HDAC5: variants seen among roughly 807,000 people sequenced by gnomAD.
HDAC5 encodes the protein histone deacetylase 5.
In HDAC5, 25 loss-of-function variants were observed where a neutral mutation model predicts 133.3. That is an observed-to-expected ratio of 0.19 (90% CI 0.14 to 0.26). The LOEUF (loss-of-function observed/expected upper bound fraction) is 0.26, where lower values mean the gene tolerates loss of function less well. Ranked by LOEUF, HDAC5 falls within the 10% of genes least tolerant of loss-of-function variation. The pLI is 1.00. For synonymous variants in HDAC5, 589 were observed against 610.8 expected (o/e 0.96, Z 0.53); for missense variants, 1,041 against 1,460.5 (o/e 0.71, Z 4.68).
Position 44,092,802 on chromosome 17 carries a change from C to T in HDAC5, c.646G>A (p.Ala216Thr). Reference protein sequence around the residue: ...SLPQHPKCWGAHHASLDQSSP... With the variant: ...SLPQHPKCWGTHHASLDQSSP... ...CTCTGGTCCAAAGAAGCATGGTGGGCTCCCCTGGGGTGGGGGGGGGGTGGG... is the reference window on the plus strand; with the variant it reads ...CTCTGGTCCAAAGAAGCATGGTGGGTTCCCCTGGGGTGGGGGGGGGGTGGG... The change falls in exon 7 of 27, where the codon GCC (alanine) becomes ACC (threonine). Residue 216 changes from alanine (A) to threonine (T), a missense_variant. Physicochemically the swap from Ala to Thr is moderately conservative, Grantham distance 58. Transcript: ENST00000682912. 2.0e-6 allele frequency: 1 copy of T among 496,752 alleles called. No individual in the cohort carries two copies. The highest frequency in any genetic ancestry group is 2.9e-6 in the Non-Finnish European group (1 of 345,256). The allele number at this position is 496,752 out of a possible 1,614,324, so 30.8% of individuals were successfully genotyped here. A position where few individuals can be genotyped will look rare whatever the true frequency, so the allele number is the denominator to read the frequency against.
intron 13 of HDAC5, 48 bp downstream of exon 13, chr17:44,087,364 A>T (rs1318426747): frequency 1.4e-6 from 1 of 724,468 alleles, no homozygotes; most frequent in Admixed American, 1.9e-5. Flanking sequence ...GGGGTGGAGA[A>T]GGACAGAGGG....
At chr17:44,095,213 A>C (rs1567667778) in intron 3 of HDAC5, among the ~76,000 whole-genome samples, 1 of 152,208 alleles carries the variant, frequency 6.6e-6, no homozygotes, top group Non-Finnish European at 1.5e-5. Context: ...CTGATGAGGA[A>C]ACTGAGGTTT....
intron 5 of HDAC5, 32 bp downstream of exon 5, chr17:44,093,282 G>T: frequency 6.3e-7 from 1 of 1,581,032 alleles, no homozygotes; most frequent in South Asian, 1.1e-5. Context: ...CACGGGCGGG[G>T]CCCTACGAGG....
chr17:44,086,056 G>A (rs147698887), intron 14 of HDAC5, among the ~76,000 whole-genome samples: 3 of 152,198 alleles, frequency 2.0e-5, no homozygotes, highest in Non-Finnish European at 2.9e-5. Flanking sequence ...CTGGACACTC[G>A]CATGAGTCTC....
chr17:44,079,639 C>CAAAAAAAAAAAA (rs773678478), intron 23 of HDAC5, among the ~76,000 whole-genome samples: 2 of 66,012 alleles, frequency 3.0e-5, no homozygotes, highest in East Asian at 3.8e-4. Context: ...GACTCCACCT[C>CAAAAAAAAAAAA]AAAAAAAAAA....
chr17:44,095,942 A>G (rs1365377918), intron 3 of HDAC5, among the ~76,000 whole-genome samples: 1 of 152,116 alleles, frequency 6.6e-6, no homozygotes, highest in Admixed American at 6.5e-5. Context: ...CAGTCCCCAC[A>G]TGGACAATGG....
intron 13 of HDAC5, among the ~76,000 whole-genome samples, 175 bp downstream of exon 13, chr17:44,087,237 G>A (rs938488112): frequency 1.3e-4 from 20 of 151,900 alleles, no homozygotes; most frequent in African/African-American, 4.6e-4. Flanking sequence ...AACACAAACA[G>A]CTCCCCCTTC....
Position 44,080,537 on chromosome 17 carries a change from TG to T in HDAC5, c.2728-40del, listed in dbSNP as rs147108156. The T allele has an allele frequency of 4.9e-3, 7,903 of 1,598,190 alleles. 364 individuals are homozygous for T. The African/African-American group carries it at 0.091, about 18-fold the overall frequency. Reference sequence around the variant, plus strand: ...TGGGGAGAGGGCTATTCTCACCACCTGGGAGTCCCAAACATTGCCCCTGCCC... The same window carrying T: ...TGGGGAGAGGGCTATTCTCACCACCTGGAGTCCCAAACATTGCCCCTGCCC... On this transcript the variant is annotated intron_variant, in intron 21 of 26. Transcript: ENST00000682912.
intron 2 of HDAC5, among the ~76,000 whole-genome samples, chr17:44,116,875 A>G (rs1422950751): frequency 6.6e-6 from 1 of 152,140 alleles, no homozygotes; most frequent in East Asian, 1.9e-4. Flanking sequence ...TCTCAGAGTA[A>G]AAGACCCCAG....
In HDAC5 at chr17:44,117,908, T is replaced by C. The variant is rs2052746646; in HGVS notation, c.-189-204A>G. On this transcript the variant is annotated intron_variant, in intron 1 of 26. Transcript: ENST00000682912. The surrounding 1 kb of genome is among the most constrained non-coding windows in gnomAD (Gnocchi z 4.2). ...GATGAGGCTCCCAGAGCCCAAGGGATAGGAAATGGCTATGGTGGCCAAACC... is the reference window on the plus strand; with the variant it reads ...GATGAGGCTCCCAGAGCCCAAGGGACAGGAAATGGCTATGGTGGCCAAACC... Among the ~76,000 whole-genome samples, 1 of 152,154 alleles carries C rather than the reference T, an allele frequency of 6.6e-6. No individual in the cohort carries two copies. Among genetic ancestry groups the C allele is most frequent in the South Asian group, 2.1e-4 (1 of 4,828 alleles).
chr17:44,092,799 G>C lies in HDAC5; in HGVS notation c.649C>G (p.His217Asp). 1 of 1,116,892 alleles carries C rather than the reference G, an allele frequency of 9.0e-7. No homozygotes were observed. Among genetic ancestry groups the C allele is most frequent in the Admixed American group, 3.2e-5 (1 of 31,414 alleles). The allele number at this position is 1,116,892 out of a possible 1,614,324, so 69.2% of individuals were successfully genotyped here. A position where few individuals can be genotyped will look rare whatever the true frequency, so the allele number is the denominator to read the frequency against. The change falls in exon 7 of 27, where the codon CAC becomes GAC. Residue 217 changes from histidine (H) to aspartate (D), a missense_variant. His to Asp is a moderately conservative substitution (Grantham distance 81, BLOSUM62 -1). Transcript: ENST00000682912. ...GAACTCTGGTCCAAAGAAGCATGGT[G>C]GGCTCCCCTGGGGTGGGGGGGGGGT... Reference protein sequence around the residue: ...LPQHPKCWGAHHASLDQSSPP... With the variant: ...LPQHPKCWGADHASLDQSSPP...
chr17:44,082,313 A>G, intron 20 of HDAC5: 3 of 519,014 alleles, frequency 5.8e-6, no homozygotes, highest in Non-Finnish European at 6.9e-6. Flanking sequence ...TCAAGGTAGG[A>G]AATCCCCTTC....
chr17:44,086,155 C>T (rs1028761807), intron 14 of HDAC5, among the ~76,000 whole-genome samples: 1 of 152,194 alleles, frequency 6.6e-6, no homozygotes, highest in Non-Finnish European at 1.5e-5. Context: ...TTACTCTCCA[C>T]GGGTGATACA....
At position 44,083,580 on chromosome 17, in the gene HDAC5, C is replaced by T; in HGVS notation, c.2428G>A (p.Glu810Lys). Residue 810 changes from glutamate to lysine, a missense_variant, in exon 18 of 27, where the codon GAG (glutamate) becomes AAG (lysine). Physicochemically the swap from Glu to Lys is moderately conservative, Grantham distance 56. Around this residue, in one of 9 missense-constraint regions of HDAC5, gnomAD observed 174 missense variants for 352.7 expected, o/e 0.49. Transcript: ENST00000682912. ...AVRMAVGCLL[E>K]LAFKVAAGEL... ...CCTGCAGCCACCTTGAAGGCCAGCT[C>T]CAGCAGGCAGCCCACTGCCATGCGC... 6.2e-7 allele frequency: 1 copy of T among 1,614,040 alleles called. No homozygotes were observed. Among genetic ancestry groups the T allele is most frequent in the Non-Finnish European group, 8.5e-7 (1 of 1,179,986 alleles).
chr17:44,092,828 G>GGGCCCCCCGGGGGGGGGGGGGGGGGGGGC, intron 6 of HDAC5, 22 bp from the exon 7 acceptor site: 1 of 596,638 alleles, frequency 1.7e-6, no homozygotes, highest in Non-Finnish European at 2.9e-6. Flanking sequence ...GGGGGGTGGG[G>GGGCCCCCCGGGGGGGGGGGGGGGGGGGGC]ATGGAAGCAG....
intron 3 of HDAC5, among the ~76,000 whole-genome samples, chr17:44,099,130 TGAAAA>T (rs1162378385): frequency 1.3e-5 from 2 of 151,074 alleles, no homozygotes; most frequent in African/African-American, 2.4e-5. Flanking sequence ...AAGAAAAAAA[TGAAAA>T]GAAAAGAAAG....
chr17:44,084,328 T>TC (rs1294584485), intron 16 of HDAC5, among the ~76,000 whole-genome samples: 1 of 151,588 alleles, frequency 6.6e-6, no homozygotes, highest in Non-Finnish European at 1.5e-5. Context: ...AACAAAGCAG[T>TC]CCCCCCAACC....
chr17:44,093,251 C>G (rs761659916), intron 5 of HDAC5, 45 bp from the exon 6 acceptor site: 1 of 1,587,858 alleles, frequency 6.3e-7, no homozygotes, highest in Admixed American at 1.7e-5. Flanking sequence ...GGGCCAGACC[C>G]CCCATGGCAG....
chr17:44,115,631 C>A (rs116189177), intron 2 of HDAC5, among the ~76,000 whole-genome samples: 1 of 152,190 alleles, frequency 6.6e-6, no homozygotes, highest in African/African-American at 2.4e-5. Flanking sequence ...GAAAGCCAGT[C>A]CAGAACCCCA....
Sources: gnomAD v4.1 joint callset for allele counts (sites outside exome capture counted in the v4.1 genomes callset) on GRCh38, gnomAD v4.1.1 for gene constraint, gnomAD v4.1.1 regional missense constraint, Gnocchi (gnomAD v3.1) non-coding constraint, MANE v1.5 for transcripts, NCBI Gene and HGNC (gene_info 2026-07-23, HGNC 2026-07-21) for gene names.